Variants in PDE10A observed in about 807,000 individuals in gnomAD.
PDE10A encodes cAMP and cAMP-inhibited cGMP 3',5'-cyclic phosphodiesterase 10A.
PDE10A carries 39 observed loss-of-function variants against 97.7 expected under a neutral mutation model. The ratio of observed to expected loss-of-function variants is 0.40; its 90% CI spans 0.31 to 0.52. The LOEUF is 0.52. Ranked by LOEUF, PDE10A falls within the 20% of genes least tolerant of loss-of-function variation. PDE10A has a pLI of 0.56. For missense variants in PDE10A, 731 were observed against 1,047.8 expected, an observed-to-expected ratio of 0.70 and a Z score of 4.17; for synonymous variants, 371 against 376.8, an observed-to-expected ratio of 0.98 and a Z score of 0.18.
At chr6:165,881,388 T>C (rs1781469403) in intron 1 of PDE10A, among the ~76,000 whole-genome samples, 1 of 102,436 alleles carries the variant, frequency 9.8e-6, no homozygotes, top group African/African-American at 3.5e-5. Context: ...TTCTTTTTTC[T>C]TTTCTTTTTT....
intron 2 of PDE10A, among the ~76,000 whole-genome samples, chr6:165,525,976 C>A (rs1452207090): frequency 6.6e-6 from 1 of 152,050 alleles, no homozygotes; most frequent in Non-Finnish European, 1.5e-5. Flanking sequence ...AATTATGGCC[C>A]CTCAATTAAT....
At chr6:165,824,920 C>G (rs1454838518) in intron 1 of PDE10A, among the ~76,000 whole-genome samples, 1 of 136,822 alleles carries the variant, frequency 7.3e-6, no homozygotes, top group African/African-American at 2.7e-5. Context: ...CACCTAAGTT[C>G]AAGAGTTTGA....
chr6:165,907,236 G>A (rs867541500), intron 1 of PDE10A, among the ~76,000 whole-genome samples: 49 of 152,354 alleles, frequency 3.2e-4, no homozygotes, highest in African/African-American at 8.9e-4. Context: ...GCCTGCCGCC[G>A]TGGTTGCAGG....
intron 1 of PDE10A, among the ~76,000 whole-genome samples, chr6:165,674,253 C>T (rs1214368102): frequency 6.6e-6 from 1 of 151,816 alleles, no homozygotes; most frequent in Admixed American, 6.6e-5. Flanking sequence ...TTAGTGTTGC[C>T]GTGAGGATGA....
At chr6:165,920,689 G>T (rs1725018593) in intron 1 of PDE10A, among the ~76,000 whole-genome samples, 1 of 152,038 alleles carries the variant, frequency 6.6e-6, no homozygotes, top group South Asian at 2.1e-4. Flanking sequence ...GCTTCTTTCT[G>T]TGCCCACACC....
intron 2 of PDE10A, among the ~76,000 whole-genome samples, chr6:165,490,212 A>G (rs1780150319): frequency 6.6e-6 from 1 of 152,234 alleles, no homozygotes; most frequent in South Asian, 2.1e-4. Flanking sequence ...CAGGTAACCT[A>G]TAAAGAAAAA....
upstream of PDE10A, among the ~76,000 whole-genome samples, chr6:165,665,776 A>G (rs1790484120): frequency 6.6e-6 from 1 of 152,186 alleles, no homozygotes; most frequent in African/African-American, 2.4e-5. Flanking sequence ...TTAAAAGAAT[A>G]TAAAACACTT....
At chr6:165,570,239 G>A (rs1437646055) in intron 1 of PDE10A, among the ~76,000 whole-genome samples, 1 of 152,118 alleles carries the variant, frequency 6.6e-6, no homozygotes, top group South Asian at 2.1e-4. Context: ...AAGGCAGAAT[G>A]AATCTTTTAA....
At chr6:165,437,110 T>C (rs1790077677) in intron 5 of PDE10A, among the ~76,000 whole-genome samples, 1 of 152,170 alleles carries the variant, frequency 6.6e-6, no homozygotes, top group African/African-American at 2.4e-5. Flanking sequence ...GAACATGTCA[T>C]AATAAAAACA....
chr6:165,414,564 C>T (rs1398494187), intron 12 of PDE10A, among the ~76,000 whole-genome samples: 1 of 151,992 alleles, frequency 6.6e-6, no homozygotes, highest in East Asian at 1.9e-4. Context: ...TCATTCATTC[C>T]CAGTTAATGG....
rs1554297070 is a variant in PDE10A, at chr6:165,621,771, A to AGAAGAAG, written c.865+40175_865+40176insCTTCTTC. ...GACTCTTATCTAAAAAAGAAAAAAAAAAGAAGAAGAAGAAGAAACACAGGA... is the reference window on the plus strand; with the variant it reads ...GACTCTTATCTAAAAAAGAAAAAAAAGAAGAAGAAGAAGAAGAAGAAGAAACACAGGA... On this transcript the variant is annotated intron_variant, in intron 1 of 21. Transcript: ENST00000539869. 4.8e-3 allele frequency among the ~76,000 whole-genome samples: 644 copies of AGAAGAAG among 134,758 alleles called. 4 individuals are homozygous for AGAAGAAG. Among genetic ancestry groups the AGAAGAAG allele is most frequent in the African/African-American group, 0.017 (621 of 37,240 alleles). The allele number at this position is 134,758 out of a possible 152,430, so 88.4% of individuals were successfully genotyped here.
intron 1 of PDE10A, among the ~76,000 whole-genome samples, chr6:165,802,263 G>T (rs1463434144): frequency 1.3e-5 from 2 of 152,108 alleles, no homozygotes; most frequent in Admixed American, 6.6e-5. Context: ...CATGACTTCT[G>T]CTCTACACTC....
At chr6:165,467,929 C>A (rs568030539) in intron 3 of PDE10A, among the ~76,000 whole-genome samples, 1 of 152,248 alleles carries the variant, frequency 6.6e-6, no homozygotes, top group South Asian at 2.1e-4. Context: ...TTAAAAATTG[C>A]CACAGCCACC....
At chr6:165,365,619 C>CTGAG (rs1200297946) in intron 18 of PDE10A, among the ~76,000 whole-genome samples, 1 of 152,132 alleles carries the variant, frequency 6.6e-6, no homozygotes, top group African/African-American at 2.4e-5. Context: ...ACTTGAAAGA[C>CTGAG]TGAGGTAGGA....
At chr6:165,879,566 A>G (rs1232716370) in intron 1 of PDE10A, among the ~76,000 whole-genome samples, 1 of 152,178 alleles carries the variant, frequency 6.6e-6, no homozygotes, top group African/African-American at 2.4e-5. Flanking sequence ...ATCCCTTGCT[A>G]TCTTCAGGGG....
intron 2 of PDE10A, among the ~76,000 whole-genome samples, chr6:165,535,254 A>T (rs983036631): frequency 1.3e-5 from 2 of 151,198 alleles, no homozygotes; most frequent in African/African-American, 4.9e-5. Flanking sequence ...TATATGATAC[A>T]TGTGTAGTTT....
chr6:165,396,341 A>T lies in PDE10A; in HGVS notation c.2195T>A (p.Val732Glu). Residue 732 changes from valine to glutamate, a missense_variant, in exon 14 of 22, where the codon GTG becomes GAG. Transcript: ENST00000539869. ...WQGLMQFTLP[V>E]RLCKEIELFH... ...CAATTCAATTTCTTTGCAGAGACGC[A>T]CGGGAAGGGTGAATTGCATGAGACC... The T allele has an allele frequency of 1.9e-6, 3 of 1,613,350 alleles. No homozygotes were observed. Among genetic ancestry groups the T allele is most frequent in the Non-Finnish European group, 2.5e-6 (3 of 1,179,532 alleles).
At chr6:165,891,401 G>A (rs780675135) in intron 1 of PDE10A, among the ~76,000 whole-genome samples, 5 of 152,078 alleles carry the variant, frequency 3.3e-5, no homozygotes, top group Admixed American at 1.3e-4. Context: ...GTGAGTTGTC[G>A]CCAGCTGTCC....
intron 1 of PDE10A, among the ~76,000 whole-genome samples, chr6:165,613,766 TTTAA>T (rs1268040502): frequency 6.6e-6 from 1 of 152,248 alleles, no homozygotes; most frequent in Admixed American, 6.5e-5. Flanking sequence ...AGAGTAATAC[TTTAA>T]TTAACAACTA....
Sources: allele counts gnomAD v4.1 joint callset (sites outside exome capture counted in the v4.1 genomes callset), GRCh38; gene constraint gnomAD v4.1.1; transcripts MANE v1.5; gene names NCBI Gene and HGNC (gene_info 2026-07-23, HGNC 2026-07-21).